NRG1: variants seen among roughly 807,000 people sequenced by gnomAD.
The protein encoded by NRG1 is neuregulin 1, also known as pro-neuregulin-1, membrane-bound isoform.
In NRG1, 18 loss-of-function variants were observed where a neutral mutation model predicts 63.8. That is an observed-to-expected ratio of 0.28 (90% confidence interval 0.19 to 0.42). NRG1 has a LOEUF of 0.42. Among genes scored for constraint, NRG1 ranks in the 10% least tolerant of loss-of-function variants. The pLI, the probability that NRG1 is intolerant of heterozygous loss-of-function variation, is 1.00. For missense variants in NRG1, 762 were observed against 814.7 expected (o/e 0.94, Z 0.79); for synonymous variants, 302 against 301.3 (o/e 1.00, Z -0.02).
intron 5 of NRG1, among the ~76,000 whole-genome samples, chr8:32,722,832 A>G (rs1820983799): frequency 6.6e-6 from 1 of 152,154 alleles, no homozygotes; most frequent in Admixed American, 6.6e-5. Context: ...TTTATAAGGA[A>G]ATTAAGTGGT....
intron 1 of NRG1, among the ~76,000 whole-genome samples, chr8:32,542,842 C>A (rs1023084356): frequency 1.3e-5 from 2 of 152,138 alleles, no homozygotes; most frequent in African/African-American, 4.8e-5. Context: ...AGGTGGAAAG[C>A]TTTATTACAG....
At chr8:32,409,018 C>G (rs1814509486) in intron 1 of NRG1, among the ~76,000 whole-genome samples, 1 of 152,112 alleles carries the variant, frequency 6.6e-6, no homozygotes, top group East Asian at 1.9e-4. Context: ...AGTTATTTCA[C>G]TTAAGATAAT....
At chr8:32,750,547 T>G (rs1369902939) in intron 7 of NRG1, among the ~76,000 whole-genome samples, 1 of 152,012 alleles carries the variant, frequency 6.6e-6, no homozygotes, top group African/African-American at 2.4e-5. Context: ...TCCAGCTGGC[T>G]TCAGGGACAT....
chr8:32,521,988 G>T (rs1418697634), intron 1 of NRG1, among the ~76,000 whole-genome samples: 1 of 152,174 alleles, frequency 6.6e-6, no homozygotes, highest in Non-Finnish European at 1.5e-5. Context: ...GATGAGTATA[G>T]TGGTTACTTG....
intron 1 of NRG1, among the ~76,000 whole-genome samples, chr8:31,982,272 A>T (rs779884876): frequency 1.3e-5 from 2 of 152,098 alleles, no homozygotes; most frequent in African/African-American, 2.4e-5. Flanking sequence ...TTCTTAGATC[A>T]TTCTTGCTAA....
At chr8:32,340,460 CA>C (rs1246489094) in intron 1 of NRG1, among the ~76,000 whole-genome samples, 6 of 152,176 alleles carry the variant, frequency 3.9e-5, no homozygotes, top group African/African-American at 1.4e-4. Context: ...ACCTGCTAAC[CA>C]GATTCGATTT....
At chr8:32,685,517 A>G (rs1809863952) in intron 5 of NRG1, among the ~76,000 whole-genome samples, 1 of 152,178 alleles carries the variant, frequency 6.6e-6, no homozygotes, top group Non-Finnish European at 1.5e-5. Flanking sequence ...GACTTCTAAG[A>G]TTTTGACTCC....
intron 1 of NRG1, among the ~76,000 whole-genome samples, chr8:31,894,546 C>CT (rs370312165): frequency 0.21 from 20,578 of 95,852 alleles, 2,529 homozygotes; most frequent in African/African-American, 0.39. Flanking sequence ...CTATTTCTTT[C>CT]TTTTTTCTTT....
chr8:31,683,041 A>G (rs1808499150), intron 1 of NRG1, among the ~76,000 whole-genome samples: 1 of 152,174 alleles, frequency 6.6e-6, no homozygotes, highest in African/African-American at 2.4e-5. Context: ...GTGTATTCTT[A>G]TTAACTAACC....
At chr8:31,856,767 A>T (rs1018628398) in intron 1 of NRG1, among the ~76,000 whole-genome samples, 14 of 151,998 alleles carry the variant, frequency 9.2e-5, no homozygotes, top group African/African-American at 3.1e-4. Context: ...GTCTTTGATG[A>T]TGGTGATGTA....
chr8:32,446,118 T>A (rs551552058), intron 1 of NRG1, among the ~76,000 whole-genome samples: 1 of 152,340 alleles, frequency 6.6e-6, no homozygotes, highest in Admixed American at 6.5e-5. Flanking sequence ...TCATAACACA[T>A]ATAGAGCACT....
intron 1 of NRG1, among the ~76,000 whole-genome samples, chr8:31,933,284 C>T (rs767083897): frequency 7.3e-5 from 11 of 151,344 alleles, no homozygotes; most frequent in Admixed American, 5.9e-4. Flanking sequence ...TTATTATCCT[C>T]GTTTTTTTTT....
At chr8:32,503,993 A>G (rs137971684) in intron 1 of NRG1, among the ~76,000 whole-genome samples, 5 of 152,256 alleles carry the variant, frequency 3.3e-5, no homozygotes, top group African/African-American at 1.2e-4. Flanking sequence ...GTCCGCATGC[A>G]CAGTGTGTTT....
intron 1 of NRG1, among the ~76,000 whole-genome samples, chr8:32,404,041 T>C (rs1331888132): frequency 1.3e-5 from 2 of 152,172 alleles, no homozygotes; most frequent in Admixed American, 6.5e-5. Context: ...TTAATAAATA[T>C]ACCCCAGCAA....
At chr8:32,237,293 C>T (rs1847663308) in intron 1 of NRG1, among the ~76,000 whole-genome samples, 1 of 152,130 alleles carries the variant, frequency 6.6e-6, no homozygotes, top group African/African-American at 2.4e-5. Context: ...AGATATATTT[C>T]GTGAAAGACT....
At chr8:32,117,097 A>G (rs1832829394) in intron 1 of NRG1, among the ~76,000 whole-genome samples, 2 of 151,876 alleles carry the variant, frequency 1.3e-5, no homozygotes, top group Admixed American at 1.3e-4. Flanking sequence ...AGCCATGATG[A>G]TGCCATTGCA....
intron 1 of NRG1, among the ~76,000 whole-genome samples, chr8:32,564,645 C>T (rs1327742619): frequency 1.3e-5 from 2 of 152,194 alleles, no homozygotes; most frequent in African/African-American, 4.8e-5. Flanking sequence ...GGTCTAAAAC[C>T]AAGATGCAGC....
Position 32,586,683 on chromosome 8 carries a change from G to A in NRG1, c.101-9145G>A, listed in dbSNP as rs149185369. On this transcript the variant is annotated intron_variant, in intron 1 of 11. Transcript: ENST00000356819. ...TAAGTTTTGGTTCTGCAACTTGTTA[G>A]ACTTACGACATTAAGTTCCCCTATC... Among the ~76,000 whole-genome samples, 7 of 152,290 alleles carry A rather than the reference G, an allele frequency of 4.6e-5. No homozygotes were observed. In the East Asian group the frequency reaches 1.4e-3, roughly 29 times the overall value.
chr8:32,709,752 G>A (rs1478851529), intron 5 of NRG1, among the ~76,000 whole-genome samples: 1 of 152,030 alleles, frequency 6.6e-6, no homozygotes, highest in East Asian at 1.9e-4. Context: ...TTTGTCTCAA[G>A]AGGTTCTGAG....
Sources: gnomAD v4.1 joint callset for allele counts (sites outside exome capture counted in the v4.1 genomes callset) on GRCh38, gnomAD v4.1.1 for gene constraint, MANE v1.5 for transcripts, NCBI Gene and HGNC (gene_info 2026-07-23, HGNC 2026-07-21) for gene names.